Variants in RBM39 observed in about 807,000 individuals in gnomAD.
RBM39 encodes the protein RNA-binding protein 39.
Under a neutral mutation model 79.6 loss-of-function variants are expected in RBM39, and 12 were observed. That is an observed-to-expected ratio of 0.15 (90% CI 0.10 to 0.24). RBM39 has a LOEUF of 0.24. RBM39 is among the 10% of genes least tolerant of loss of function. The pLI is 1.00. For synonymous variants in RBM39, 185 were observed against 208.4 expected, an observed-to-expected ratio of 0.89 and a Z score of 0.97; for missense variants, 243 against 653.4, an observed-to-expected ratio of 0.37 and a Z score of 6.85.
At chr20:35,705,113 C>T (rs1394956315) in intron 15 of RBM39, 112 bp downstream of exon 15, 8 of 700,746 alleles carry the variant, frequency 1.1e-5, no homozygotes, top group Non-Finnish European at 1.7e-5. Flanking sequence ...CAGGCACACA[C>T]ACACAAAAAC....
In RBM39 at chr20:35,704,273, AAC is replaced by A. The variant is rs2035469366; in HGVS notation, c.*206_*207del. ...AACATTTTAAAAGGCAGAACAAGAG[AAC>A]AGTTTTGTATACAGTGGGATTTACT... On this transcript the variant is annotated 3_prime_UTR_variant, in exon 17 of 17. Coordinates refer to ENST00000253363, the MANE Select transcript of RBM39 (RefSeq NM_184234.3). 2.5e-6 allele frequency: 1 copy of A among 406,802 alleles called. No individual in the cohort carries two copies. The highest frequency in any genetic ancestry group is 3.7e-5 in the South Asian group (1 of 27,010). 25.2% of individuals were successfully genotyped at this position (406,802 alleles called of 1,614,324 possible). A position where few individuals can be genotyped will look rare whatever the true frequency, so the allele number is the denominator to read the frequency against.
rs1212074469 is a variant in RBM39, at chr20:35,714,401, G to C, written c.892-12C>G. ...TCTGAGTCAGAAAACTACATGATAG[G>C]GGAGGCAAGGACAGGAGACAGTGCT... On this transcript the variant is annotated splice_polypyrimidine_tract_variant and intron_variant, in intron 10 of 16. Coordinates refer to ENST00000253363, the MANE Select transcript of RBM39 (RefSeq NM_184234.3). The C allele has an allele frequency of 2.5e-6, 4 of 1,612,702 alleles. No individual in the cohort carries two copies. The African/African-American group carries it at 4.0e-5, about 16-fold the overall frequency.
intron 10 of RBM39, among the ~76,000 whole-genome samples, chr20:35,716,127 G>A (rs932984880): frequency 7.9e-5 from 12 of 152,014 alleles, no homozygotes; most frequent in African/African-American, 2.7e-4. Context: ...GCACTGCAGC[G>A]CAATAGCACA....
intron 3 of RBM39, chr20:35,732,467 A>C: frequency 4.0e-6 from 1 of 251,038 alleles, no homozygotes; most frequent in Non-Finnish European, 7.8e-6. Flanking sequence ...AAGGCAGGAG[A>C]ATTGCTCAAA....
In RBM39 at chr20:35,727,725, C is replaced by T. The variant is rs1173592971; in HGVS notation, c.416+1587G>A. On this transcript the variant is annotated intron_variant, in intron 6 of 16. Coordinates refer to ENST00000253363, the MANE Select transcript of RBM39 (RefSeq NM_184234.3). ...AGTGCAATGGCGCGATCTCGGCTCA[C>T]TGCAACCTCCGCCTCTTGGGTTCAA... is the stretch of plus-strand genomic sequence containing the variant. Among the ~76,000 whole-genome samples, 3 of 151,346 alleles carry T rather than the reference C, an allele frequency of 2.0e-5. No homozygotes were observed. In the East Asian group the frequency reaches 5.8e-4, roughly 29 times the overall value.
chr20:35,708,764 G>T (rs184083688), intron 13 of RBM39: 1 of 156,046 alleles, frequency 6.4e-6, no homozygotes, highest in Non-Finnish European at 1.4e-5. Context: ...TTATTGCTTG[G>T]TACTGGCTTA....
intron 2 of RBM39, chr20:35,739,678 C>A: frequency 2.9e-6 from 1 of 347,560 alleles, no homozygotes; most frequent in South Asian, 2.3e-5. Context: ...GAATTACATC[C>A]ATGTTAAAAA....
intron 9 of RBM39, among the ~76,000 whole-genome samples, chr20:35,718,489 A>G (rs2037458475): frequency 6.6e-6 from 1 of 152,030 alleles, no homozygotes; most frequent in Admixed American, 6.6e-5. Context: ...CAGCCTGGGC[A>G]CCACGGTGAA....
chr20:35,714,525 A>C, intron 10 of RBM39, 136 bp from the exon 11 acceptor site: 1 of 1,255,346 alleles, frequency 8.0e-7, no homozygotes, highest in Non-Finnish European at 1.0e-6. Context: ...GCAAGCTGTA[A>C]GTAGCAAACA....
chr20:35,734,308 A>T (rs1600619148), intron 3 of RBM39: 2 of 1,045,790 alleles, frequency 1.9e-6, no homozygotes, highest in Non-Finnish European at 2.6e-6. Context: ...TATGCTAGGT[A>T]GCACATGACA....
intron 8 of RBM39, among the ~76,000 whole-genome samples, chr20:35,722,299 C>A (rs560840756): frequency 6.6e-6 from 1 of 151,306 alleles, no homozygotes; most frequent in East Asian, 1.9e-4. Context: ...CCCAGCTACT[C>A]AGGAGGCTGA....
intron 9 of RBM39, among the ~76,000 whole-genome samples, chr20:35,718,864 TCCCAGCTGCTAG>T: frequency 7.3e-6 from 1 of 137,518 alleles, no homozygotes; most frequent in Non-Finnish European, 1.6e-5. Context: ...GCACCTATAA[TCCCAGCTGCTAG>T]GGAAGCTGTA....
intron 13 of RBM39, 121 bp downstream of exon 13, chr20:35,709,103 T>C (rs1199594215): frequency 3.9e-6 from 3 of 773,938 alleles, no homozygotes; most frequent in South Asian, 1.9e-5. Flanking sequence ...TATGTGTCAC[T>C]GTGTCAAAAT....
chr20:35,717,141 TTGG>T (rs2037237299), intron 9 of RBM39, among the ~76,000 whole-genome samples: 1 of 151,858 alleles, frequency 6.6e-6, no homozygotes, highest in Non-Finnish European at 1.5e-5. Context: ...TTGTCTGGGC[TTGG>T]TGGCGCATGC....
chr20:35,713,316 T>A (rs554871917), intron 11 of RBM39: 4 of 412,350 alleles, frequency 9.7e-6, no homozygotes, highest in Non-Finnish European at 1.8e-5. Context: ...TGTGAAACTC[T>A]CTTTTTTTTT....
At position 35,703,017 on chromosome 20, in the gene RBM39, C is replaced by G. The variant is rs1042797972; in HGVS notation, c.*1464G>C. The G allele has an allele frequency of 6.6e-6, 1 of 151,972 alleles. No individual in the cohort carries two copies. The highest frequency in any genetic ancestry group is 1.5e-5 in the Non-Finnish European group (1 of 67,960). The allele number at this position is 151,972 out of a possible 1,614,324, so 9.4% of individuals were successfully genotyped here. Reference sequence around the variant, plus strand: ...CGACTGATATGAAATTCTGAATAAGCCTGTAAAACTTGTGCTTCAATGCTA... The same window carrying G: ...CGACTGATATGAAATTCTGAATAAGGCTGTAAAACTTGTGCTTCAATGCTA... On this transcript the variant is annotated 3_prime_UTR_variant, in exon 17 of 17. Coordinates refer to ENST00000253363, the MANE Select transcript of RBM39 (RefSeq NM_184234.3).
rs1457745862 is a variant in RBM39, at chr20:35,741,953, T to G, written c.-26A>C. The G allele has an allele frequency of 4.7e-6, 1 of 214,842 alleles. No homozygotes were observed. Among genetic ancestry groups the G allele is most frequent in the Non-Finnish European group, 9.4e-6 (1 of 106,782 alleles). 13.3% of individuals were successfully genotyped at this position (214,842 alleles called of 1,614,324 possible). ...CAACGCCCCGTACCTGTTCCGGCCT[T>G]CGGGCGCCTGTGGTGCTCGTGTTCG... On this transcript the variant is annotated 5_prime_UTR_variant, in exon 1 of 17. Coordinates refer to ENST00000253363, the MANE Select transcript of RBM39 (RefSeq NM_184234.3).
At chr20:35,739,199 T>C (rs2040281498) in intron 2 of RBM39, 182 bp from the exon 3 acceptor site, 1 of 643,284 alleles carries the variant, frequency 1.6e-6, no homozygotes, top group Non-Finnish European at 2.8e-6. Flanking sequence ...ACTTTGTTGC[T>C]TACATTTAAG....
chr20:35,721,794 T>C lies in RBM39; in HGVS notation c.771A>G (p.Leu257=), dbSNP rs1475040112. Residue 257 remains leucine, a synonymous_variant, in exon 9 of 17, where the codon TTA becomes TTG. Coordinates refer to ENST00000253363, the MANE Select transcript of RBM39 (RefSeq NM_184234.3). ...GCATATCTTCAGTTATGTTGAAGTG[T>C]AATGAGCCCACATAAAGCCTCATAG... ...AGPMRLYVGS[L]HFNITEDMLR... is the part of the protein sequence containing the mutation. The C allele has an allele frequency of 2.5e-6, 4 of 1,614,172 alleles. No homozygotes were observed. Among genetic ancestry groups the C allele is most frequent in the Non-Finnish European group, 3.4e-6 (4 of 1,180,014 alleles).
Sources: allele counts gnomAD v4.1 joint callset (sites outside exome capture counted in the v4.1 genomes callset), GRCh38; gene constraint gnomAD v4.1.1; transcripts MANE v1.5; gene names NCBI Gene and HGNC (gene_info 2026-07-23, HGNC 2026-07-21).